The following MIB1 variants were observed in gnomAD, a reference collection of about 807,000 sequenced individuals.
The protein encoded by MIB1 is MIB E3 ubiquitin protein ligase 1.
A neutral mutation model predicts 124.5 loss-of-function variants in MIB1; 278 were observed. That is an observed-to-expected ratio of 2.23 (90% CI 2.02 to 2.47). The LOEUF (loss-of-function observed/expected upper bound fraction) is 2.47, where lower values mean the gene tolerates loss of function less well. Among genes scored for constraint, MIB1 ranks in the 30% most tolerant of loss-of-function variants. The pLI, the probability that MIB1 is intolerant of heterozygous loss-of-function variation, is 0.00. For missense variants in MIB1, 957 were observed against 1,254.4 expected (o/e 0.76, Z 3.58); for synonymous variants, 446 against 429.4 (o/e 1.04, Z -0.48).
Position 21,779,500 on chromosome 18 carries a change from GA to G in MIB1, c.725del (p.Asn242IlefsTer11). ...TTACAGGTGAGCAGAATGGCAACAG[GA>G]ATCCTGGTGGATTGCAGATTGGTGA... is the stretch of plus-strand genomic sequence containing the variant. Reference protein sequence around the residue: ...PVLGEQNGNRNPGGLQIGDLV... With the variant: ...PVLGEQNGNRXPGGLQIGDLV... On this transcript the variant is annotated frameshift_variant, in exon 6 of 21. Coordinates refer to ENST00000261537, the MANE Select transcript of MIB1 (RefSeq NM_020774.4). LOFTEE classifies it high-confidence loss of function. The G allele has an allele frequency of 6.2e-7, 1 of 1,614,066 alleles. No individual in the cohort carries two copies. Among genetic ancestry groups the G allele is most frequent in the South Asian group, 1.1e-5 (1 of 91,060 alleles).
intron 7 of MIB1, among the ~76,000 whole-genome samples, chr18:21,796,675 A>G (rs931175884): frequency 6.6e-6 from 1 of 152,184 alleles, no homozygotes; most frequent in African/African-American, 2.4e-5. Flanking sequence ...TGCCCAGGTT[A>G]TGGTTTTCAA....
chr18:21,788,167 T>C (rs995745258), intron 6 of MIB1, among the ~76,000 whole-genome samples: 6 of 152,206 alleles, frequency 3.9e-5, no homozygotes, highest in African/African-American at 1.4e-4. Context: ...GGCCAAAACA[T>C]ATCTAATCCA....
intron 7 of MIB1, among the ~76,000 whole-genome samples, chr18:21,793,361 G>T (rs1219859162): frequency 6.6e-6 from 1 of 152,184 alleles, no homozygotes; most frequent in Non-Finnish European, 1.5e-5. Flanking sequence ...AATTTAGTAG[G>T]ACGGAGACAG....
At chr18:21,708,996 C>T (rs1224113188) in intron 1 of MIB1, among the ~76,000 whole-genome samples, 1 of 152,092 alleles carries the variant, frequency 6.6e-6, no homozygotes, top group Non-Finnish European at 1.5e-5. Context: ...GAGAACAAGG[C>T]TTAGAAGTTG....
chr18:21,815,011 T>TTTTATATA, intron 10 of MIB1, among the ~76,000 whole-genome samples: 1 of 52,650 alleles, frequency 1.9e-5, no homozygotes, highest in South Asian at 7.6e-4. Context: ...GCTGTTGGTT[T>TTTTATATA]TATATATATA....
At chr18:21,786,047 C>T (rs1018261094) in intron 6 of MIB1, among the ~76,000 whole-genome samples, 3 of 151,102 alleles carry the variant, frequency 2.0e-5, no homozygotes, top group African/African-American at 4.9e-5. Flanking sequence ...CTTACTTTGT[C>T]TTTGACCTTT....
rs143113406 is a variant in MIB1, at chr18:21,865,784, A to G, written c.*1118A>G. 5.2e-5 allele frequency: 8 copies of G among 152,660 alleles called. No homozygotes were observed. Among genetic ancestry groups the G allele is most frequent in the African/African-American group, 1.7e-4 (7 of 41,548 alleles). 9.5% of individuals were successfully genotyped at this position (152,660 alleles called of 1,614,324 possible). A position where few individuals can be genotyped will look rare whatever the true frequency, so the allele number is the denominator to read the frequency against. On this transcript the variant is annotated 3_prime_UTR_variant, in exon 21 of 21. Coordinates refer to ENST00000261537, the MANE Select transcript of MIB1 (RefSeq NM_020774.4). ...GAAAACAGTCTTTCTGTGTATACCT[A>G]CGGATGAGGGTATTATTTAAACTGC...
upstream of MIB1, among the ~76,000 whole-genome samples, chr18:21,739,381 T>C (rs1316442630): frequency 6.6e-6 from 1 of 152,094 alleles, no homozygotes; most frequent in East Asian, 1.9e-4. Context: ...GTTACTGTAC[T>C]TCCTAAAACT....
intron 4 of MIB1, among the ~76,000 whole-genome samples, chr18:21,777,796 G>A (rs918979540): frequency 6.6e-6 from 1 of 152,130 alleles, no homozygotes; most frequent in East Asian, 1.9e-4. Context: ...GACCTCAAGT[G>A]ATCCGCCCAT....
intron 12 of MIB1, among the ~76,000 whole-genome samples, chr18:21,830,945 T>C (rs2041973404): frequency 6.6e-6 from 1 of 151,998 alleles, no homozygotes; most frequent in East Asian, 1.9e-4. Flanking sequence ...GGCCATTTGA[T>C]TTGGAATGTC....
chr18:21,848,765 T>G (rs550580217), intron 16 of MIB1, among the ~76,000 whole-genome samples: 3 of 152,346 alleles, frequency 2.0e-5, no homozygotes, highest in African/African-American at 7.2e-5. Flanking sequence ...CCCTATCTGT[T>G]GTGGACTCTG....
chr18:21,768,842 A>G, intron 3 of MIB1, 90 bp downstream of exon 3: 2 of 1,086,006 alleles, frequency 1.8e-6, no homozygotes, highest in South Asian at 2.1e-5. Flanking sequence ...TTCTTGGTCC[A>G]TTGTTTTCCA....
At chr18:21,860,098 CTTTTTT>C (rs398032096) in intron 20 of MIB1, among the ~76,000 whole-genome samples, 51 of 26,460 alleles carry the variant, frequency 1.9e-3, no homozygotes, top group Non-Finnish European at 3.0e-3. Context: ...TTCTTTATGT[CTTTTTT>C]TTTTTTTTTT....
chr18:21,735,048 T>C (rs764880567), intron 1 of MIB1, among the ~76,000 whole-genome samples: 3 of 152,234 alleles, frequency 2.0e-5, no homozygotes, highest in Non-Finnish European at 2.9e-5. Context: ...GGCTGGATCA[T>C]ATGGCAGTGT....
chr18:21,766,449 G>A (rs745519762), intron 2 of MIB1, among the ~76,000 whole-genome samples: 3 of 152,186 alleles, frequency 2.0e-5, no homozygotes, highest in Non-Finnish European at 4.4e-5. Flanking sequence ...TTTAGACTGT[G>A]TTAGAGATAT....
chr18:21,783,861 T>A (rs2041400735), intron 6 of MIB1, among the ~76,000 whole-genome samples: 1 of 152,020 alleles, frequency 6.6e-6, no homozygotes, highest in East Asian at 1.9e-4. Flanking sequence ...GTCCTTCCAC[T>A]TTAGCCTTCC....
intron 1 of MIB1, among the ~76,000 whole-genome samples, chr18:21,747,320 C>A (rs935487625): frequency 6.6e-6 from 1 of 152,124 alleles, no homozygotes; most frequent in Admixed American, 6.5e-5. Context: ...AACTAGTAGA[C>A]CCCTGTGTCA....
At chr18:21,833,541 A>G (rs762817545) in intron 12 of MIB1, among the ~76,000 whole-genome samples, 11 of 152,228 alleles carry the variant, frequency 7.2e-5, no homozygotes, top group Non-Finnish European at 1.5e-4. Flanking sequence ...TATGTGCTAC[A>G]GTGCTATTCT....
chr18:21,787,671 C>T (rs1261701651), intron 6 of MIB1, among the ~76,000 whole-genome samples: 2 of 151,422 alleles, frequency 1.3e-5, no homozygotes, highest in Non-Finnish European at 1.5e-5. Context: ...ATCTGCTTGG[C>T]GTTTTTCATG....
Sources: gnomAD v4.1 joint callset for allele counts (sites outside exome capture counted in the v4.1 genomes callset) on GRCh38, gnomAD v4.1.1 for gene constraint, MANE v1.5 for transcripts, NCBI Gene and HGNC (gene_info 2026-07-23, HGNC 2026-07-21) for gene names.